The following MEGF6 variants were observed in gnomAD, a reference collection of about 807,000 sequenced individuals.
MEGF6 encodes multiple EGF like domains 6, also known as multiple epidermal growth factor-like domains protein 6.
Under a neutral mutation model 207.1 loss-of-function variants are expected in MEGF6, and 184 were observed. The observed-to-expected ratio is 0.89, with a 90% CI of 0.79 to 1.00. The LOEUF is 1.00. Ranked by LOEUF, MEGF6 falls within the 50% of genes least tolerant of loss-of-function variation. MEGF6 has a pLI of 0.00. For synonymous variants in MEGF6, 1,038 were observed against 910.0 expected, an observed-to-expected ratio of 1.14 and a Z score of -2.53; for missense variants, 2,282 against 2,202.9, an observed-to-expected ratio of 1.04 and a Z score of -0.72.
At chr1:3,539,772 G>A (rs1262253713) in intron 4 of MEGF6, among the ~76,000 whole-genome samples, 1 of 152,196 alleles carries the variant, frequency 6.6e-6, no homozygotes, top group Non-Finnish European at 1.5e-5. Context: ...CTTGCCTGAA[G>A]CATCCACTGG....
intron 26 of MEGF6, chr1:3,497,729 G>A (rs949259134): frequency 3.0e-5 from 12 of 396,640 alleles, no homozygotes; most frequent in African/African-American, 1.5e-4. Context: ...CTGAGGCGAC[G>A]GGAGCCAGCG....
In MEGF6 at chr1:3,573,133, T is replaced by C. The variant is rs778585718; in HGVS notation, c.481+6692A>G. 3.3e-5 allele frequency among the ~76,000 whole-genome samples: 5 copies of C among 150,132 alleles called. No individual in the cohort carries two copies. Among genetic ancestry groups the C allele is most frequent in the Admixed American group, 6.6e-5 (1 of 15,156 alleles). ...GCTGGGTCCTCCTGTGTGTGCTGGG[T>C]CCTCCCTGGTGGGCTGTGTTCCCTC... On this transcript the variant is annotated intron_variant, in intron 4 of 36. Transcript: ENST00000356575. This position sits in a 1 kb window ranked among gnomAD's most constrained non-coding sequence, Gnocchi z 5.1.
intron 4 of MEGF6, among the ~76,000 whole-genome samples, chr1:3,566,030 C>T (rs1386498737): frequency 6.6e-6 from 1 of 152,214 alleles, no homozygotes; most frequent in Non-Finnish European, 1.5e-5. Context: ...CCAGCGCTCT[C>T]AGCAGAGAAG....
rs1430279493 is a variant in MEGF6, at chr1:3,589,796, A to T, written c.376+5542T>A. Reference sequence around the variant, plus strand: ...TTTAGGGCACTGTTTTATCTCTGTGACTTTGTGGCTTCTTTATTTTCCTTT... The same window carrying T: ...TTTAGGGCACTGTTTTATCTCTGTGTCTTTGTGGCTTCTTTATTTTCCTTT... On this transcript the variant is annotated intron_variant, in intron 3 of 36. Coordinates refer to ENST00000356575, the MANE Select transcript of MEGF6 (RefSeq NM_001409.4). Among the ~76,000 whole-genome samples the T allele has an allele frequency of 3.3e-5, 5 of 152,318 alleles. No individual in the cohort carries two copies. The East Asian group carries it at 9.6e-4, about 29-fold the overall frequency.
At position 3,509,900 on chromosome 1, in the gene MEGF6, G is replaced by A. The variant is rs758791935; in HGVS notation, c.1327C>T (p.Arg443Trp). ...CAGCCCCTACGGTCCTCGTGCAGCC[G>A]GTAGCCGGCCTCGCAGGAGCACTGG... ...SFQCSCEAGY[R>W]LHEDRRGCSP... Residue 443 changes from arginine to tryptophan, a missense_variant, in exon 11 of 37, where the codon CGG becomes TGG. Transcript: ENST00000356575. The A allele has an allele frequency of 4.2e-5, 65 of 1,560,676 alleles. No homozygotes were observed. Among genetic ancestry groups the A allele is most frequent in the East Asian group, 2.4e-4 (10 of 42,176 alleles).
chr1:3,514,582 T>C lies in MEGF6; in HGVS notation c.821A>G (p.Tyr274Cys), dbSNP rs1641470409. 6 of 1,589,534 alleles carry C rather than the reference T, an allele frequency of 3.8e-6. No homozygotes were observed. Among genetic ancestry groups the C allele is most frequent in the East Asian group, 2.3e-5 (1 of 43,898 alleles). ...GGCCTTGCCGTCCGCTGCTAGCTGA[T>C]AGCCCACGTGGCACTCACAGCGGGC... ...GLARCECHVG[Y>C]QLAADGKACE... The change falls in exon 7 of 37, where the codon TAT becomes TGT. Residue 274 changes from tyrosine (Y) to cysteine (C), a missense_variant. Coordinates refer to ENST00000356575, the MANE Select transcript of MEGF6 (RefSeq NM_001409.4).
At chr1:3,561,299 G>T (rs1224188650) in intron 4 of MEGF6, among the ~76,000 whole-genome samples, 1 of 152,186 alleles carries the variant, frequency 6.6e-6, no homozygotes, top group Non-Finnish European at 1.5e-5. Context: ...AGCCCCCTGG[G>T]GACCCAAGCT....
intron 4 of MEGF6, among the ~76,000 whole-genome samples, chr1:3,557,380 C>T (rs1643066643): frequency 6.6e-6 from 1 of 152,228 alleles, no homozygotes. Context: ...GCAGGCTGCT[C>T]CCGGCTGCAG....
chr1:3,582,603 C>T (rs1042351841), intron 3 of MEGF6, among the ~76,000 whole-genome samples: 2 of 152,174 alleles, frequency 1.3e-5, no homozygotes, highest in Non-Finnish European at 2.9e-5. Context: ...CTTGGTTCCC[C>T]GGTTGCAAAC....
chr1:3,527,772 A>T (rs928324322), intron 4 of MEGF6, among the ~76,000 whole-genome samples: 1 of 151,962 alleles, frequency 6.6e-6, no homozygotes, highest in Admixed American at 6.5e-5. Context: ...CTGAGCTCAG[A>T]TCCCTCCATC....
upstream of MEGF6, among the ~76,000 whole-genome samples, chr1:3,615,383 C>T (rs1644369401): frequency 6.6e-6 from 1 of 152,202 alleles, no homozygotes; most frequent in Non-Finnish European, 1.5e-5. Flanking sequence ...GACCCACTGG[C>T]CTCCCTCTGG....
chr1:3,592,531 C>G (rs1460937823), intron 3 of MEGF6, among the ~76,000 whole-genome samples: 1 of 152,180 alleles, frequency 6.6e-6, no homozygotes, highest in African/African-American at 2.4e-5. Context: ...GGCAAGCACC[C>G]GCTGCCAGGG....
chr1:3,495,612 C>G (rs1264110017), intron 30 of MEGF6, among the ~76,000 whole-genome samples: 1 of 152,188 alleles, frequency 6.6e-6, no homozygotes, highest in African/African-American at 2.4e-5. Context: ...CCACGGCCAC[C>G]TCTATGAGGA....
At position 3,577,202 on chromosome 1, in the gene MEGF6, C is replaced by T. The variant is rs182525097; in HGVS notation, c.481+2623G>A. On this transcript the variant is annotated intron_variant, in intron 4 of 36. Transcript: ENST00000356575. Reference sequence around the variant, plus strand: ...GGGCAGCCACCCTCCAGCTTGTCAACTGCCCCCTGTGAAGGCCACGTCTGC... The same window carrying T: ...GGGCAGCCACCCTCCAGCTTGTCAATTGCCCCCTGTGAAGGCCACGTCTGC... Among the ~76,000 whole-genome samples, 8 of 152,340 alleles carry T rather than the reference C, an allele frequency of 5.3e-5. No homozygotes were observed. In the East Asian group the frequency reaches 1.4e-3, roughly 26 times the overall value.
At chr1:3,547,298 G>A (rs995027452) in intron 4 of MEGF6, among the ~76,000 whole-genome samples, 2 of 152,188 alleles carry the variant, frequency 1.3e-5, no homozygotes, top group African/African-American at 2.4e-5. Flanking sequence ...CAGCAGCAGG[G>A]GAGCCGCACT....
At chr1:3,593,390 C>A (rs1217898193) in intron 3 of MEGF6, among the ~76,000 whole-genome samples, 1 of 152,092 alleles carries the variant, frequency 6.6e-6, no homozygotes, top group East Asian at 1.9e-4. Flanking sequence ...CGGCTGCGCA[C>A]ACCTCTACCT....
chr1:3,537,781 G>A (rs1473748407), intron 4 of MEGF6, among the ~76,000 whole-genome samples: 1 of 152,238 alleles, frequency 6.6e-6, no homozygotes, highest in Non-Finnish European at 1.5e-5. Context: ...ATGGGATGAT[G>A]GGGTGGGCCA....
intron 4 of MEGF6, among the ~76,000 whole-genome samples, chr1:3,529,680 G>C (rs1218345835): frequency 6.6e-6 from 1 of 152,204 alleles, no homozygotes; most frequent in Non-Finnish European, 1.5e-5. Flanking sequence ...ACCAGGCTGG[G>C]AGGTGGAGGA....
At chr1:3,567,362 T>G (rs1348270517) in intron 4 of MEGF6, among the ~76,000 whole-genome samples, 1 of 152,142 alleles carries the variant, frequency 6.6e-6, no homozygotes, top group Admixed American at 6.5e-5. Flanking sequence ...CCTGGGATCC[T>G]CCCCTCCCTA....
Sources: gnomAD v4.1 joint callset for allele counts (sites outside exome capture counted in the v4.1 genomes callset) on GRCh38, gnomAD v4.1.1 for gene constraint, Gnocchi (gnomAD v3.1) non-coding constraint, MANE v1.5 for transcripts, NCBI Gene and HGNC (gene_info 2026-07-23, HGNC 2026-07-21) for gene names.